The following GAK variants were observed in gnomAD, a reference collection of about 807,000 sequenced individuals.
GAK encodes the protein cyclin-G-associated kinase.
Under a neutral mutation model 143.9 loss-of-function variants are expected in GAK, and 79 were observed. The observed-to-expected ratio is 0.55, with a 90% CI of 0.46 to 0.66. The LOEUF (loss-of-function observed/expected upper bound fraction) is 0.66, where lower values mean the gene tolerates loss of function less well. Ranked by LOEUF, GAK falls within the 30% of genes least tolerant of loss-of-function variation. The pLI, the probability that GAK is intolerant of heterozygous loss-of-function variation, is 0.00. For synonymous variants in GAK, 881 were observed against 765.5 expected (o/e 1.15, Z -2.49); for missense variants, 1,693 against 1,779.7 (o/e 0.95, Z 0.88).
intron 11 of GAK, chr4:887,919 T>TCA (rs55690542): frequency 0.65 from 99,546 of 152,176 alleles, 32,953 homozygotes; most frequent in South Asian, 0.85. Context: ...GCACACATGT[T>TCA]CACATATGTA....
chr4:888,997 C>A, intron 10 of GAK, 27 bp from the exon 11 acceptor site: 1 of 1,600,718 alleles, frequency 6.2e-7, no homozygotes, highest in Non-Finnish European at 8.5e-7. Flanking sequence ...TCTCAGCAGG[C>A]CCCAGGTGCT....
chr4:897,737 T>C (rs2152880604), intron 6 of GAK, among the ~76,000 whole-genome samples: 1 of 152,236 alleles, frequency 6.6e-6, no homozygotes, highest in South Asian at 2.1e-4. Flanking sequence ...ACAAATGACG[T>C]CAAGAGATAG....
chr4:867,808 G>A (rs979070488), intron 20 of GAK, among the ~76,000 whole-genome samples: 7 of 152,374 alleles, frequency 4.6e-5, no homozygotes, highest in South Asian at 2.1e-4. Context: ...GCCCTGGCGA[G>A]TGCTGCAGAA....
At chr4:874,726 C>T (rs1427503180) in intron 18 of GAK, among the ~76,000 whole-genome samples, 5 of 151,184 alleles carry the variant, frequency 3.3e-5, no homozygotes, top group Non-Finnish European at 7.4e-5. Flanking sequence ...GTGGTTCTGA[C>T]GTCCTCCATC....
intron 5 of GAK, among the ~76,000 whole-genome samples, chr4:903,440 C>T (rs1720351318): frequency 6.6e-6 from 1 of 152,198 alleles, no homozygotes; most frequent in South Asian, 2.1e-4. Context: ...GCGCCTGAGA[C>T]AGGGCCAGGC....
chr4:913,409 G>A (rs1722385105), intron 2 of GAK, among the ~76,000 whole-genome samples, 198 bp downstream of exon 2: 1 of 152,178 alleles, frequency 6.6e-6, no homozygotes, highest in African/African-American at 2.4e-5. Flanking sequence ...CCACAGGAGT[G>A]TGAAGCCCAA....
intron 4 of GAK, among the ~76,000 whole-genome samples, chr4:909,783 T>C (rs1721720178): frequency 2.6e-5 from 4 of 152,252 alleles, no homozygotes; most frequent in Middle Eastern, 3.4e-3. Context: ...AAGTGGACAA[T>C]GGACGCCCCT....
chr4:878,705 T>C (rs1275081806), intron 15 of GAK, among the ~76,000 whole-genome samples: 1 of 152,178 alleles, frequency 6.6e-6, no homozygotes, highest in Non-Finnish European at 1.5e-5. Flanking sequence ...GCCTGATGGA[T>C]GTGGAATGGA....
Position 866,817 on chromosome 4 carries a change from G to A in GAK, c.2872+139C>T, listed in dbSNP as rs997792228. 1.6e-4 allele frequency: 115 copies of A among 722,986 alleles called. No homozygotes were observed. In the Middle Eastern group the frequency reaches 2.0e-3, roughly 13 times the overall value. The allele number at this position is 722,986 out of a possible 1,614,324, so 44.8% of individuals were successfully genotyped here. On this transcript the variant is annotated intron_variant, in intron 21 of 27. Transcript: ENST00000314167. ...GCACAGAACCCTGACATGACCCCGA[G>A]GCTGCTCCTGGGGGAGGTGGGGGAA...
At chr4:884,793 G>A (rs1715932283) in intron 11 of GAK, among the ~76,000 whole-genome samples, 1 of 152,244 alleles carries the variant, frequency 6.6e-6, no homozygotes, top group Non-Finnish European at 1.5e-5. Context: ...TCCCAGGACA[G>A]AGCAGGCCGG....
rs757009739 is a variant in GAK at position 893,902 on chromosome 4, C to G, written c.849G>C (p.Thr283=). 6.2e-7 allele frequency: 1 copy of G among 1,608,768 alleles called. No homozygotes were observed. The highest frequency in any genetic ancestry group is 1.7e-5 in the Admixed American group (1 of 59,672). The change falls in exon 8 of 28, where the codon ACG becomes ACC. Residue 283 remains threonine, a synonymous_variant. Coordinates refer to ENST00000314167, the MANE Select transcript of GAK (RefSeq NM_005255.4). ...TGAGGCTGTGGAAGACCGTGTACTG[C>G]GTGTCGTGCGGGGGGATCGAGTACT... is the stretch of plus-strand genomic sequence containing the variant. ...NGKYSIPPHD[T]QYTVFHSLIR...
intron 12 of GAK, among the ~76,000 whole-genome samples, chr4:883,745 A>G (rs1052179300): frequency 6.6e-6 from 1 of 152,216 alleles, no homozygotes; most frequent in African/African-American, 2.4e-5. Flanking sequence ...AGTGACTGGG[A>G]TGCCTGGTGC....
At chr4:866,846 C>A in intron 21 of GAK, 110 bp downstream of exon 21, 1 of 840,006 alleles carries the variant, frequency 1.2e-6, no homozygotes, top group Non-Finnish European at 1.9e-6. Flanking sequence ...GGGGGAAGGG[C>A]ACGTTCCCTT....
chr4:851,449 C>A, intron 25 of GAK: 1 of 517,764 alleles, frequency 1.9e-6, no homozygotes, highest in Non-Finnish European at 3.4e-6. Context: ...CTGCTGCCCC[C>A]GGGAACAGGG....
chr4:898,622 G>A (rs996973647), intron 5 of GAK, among the ~76,000 whole-genome samples: 1 of 152,248 alleles, frequency 6.6e-6, no homozygotes, highest in African/African-American at 2.4e-5. Flanking sequence ...AGCACTTTGG[G>A]AGGCCAAGGC....
At position 865,723 on chromosome 4, in the gene GAK, C is replaced by T. The variant is rs550308722; in HGVS notation, c.3044-479G>A. On this transcript the variant is annotated intron_variant, in intron 22 of 27. Transcript: ENST00000314167. ...CGCTGCAAGGCTGCACTCCACACAC[C>T]CGCCCACAAGCCATCCTGCAATGGT... 4.6e-5 allele frequency among the ~76,000 whole-genome samples: 7 copies of T among 152,340 alleles called. No individual in the cohort carries two copies. The East Asian group carries it at 1.4e-3, about 29-fold the overall frequency.
intron 1 of GAK, among the ~76,000 whole-genome samples, chr4:928,402 T>C (rs1424110374): frequency 6.6e-6 from 1 of 152,182 alleles, no homozygotes; most frequent in Non-Finnish European, 1.5e-5. Flanking sequence ...CATTATCTCA[T>C]GCCTGTCGTC....
chr4:867,641 TGGCCCCTC>T (rs1363544892), intron 20 of GAK, among the ~76,000 whole-genome samples: 6 of 145,192 alleles, frequency 4.1e-5, no homozygotes, highest in Admixed American at 6.8e-5. Flanking sequence ...CCCCATGGCA[TGGCCCCTC>T]GGCACCTCCT....
intron 1 of GAK, among the ~76,000 whole-genome samples, chr4:914,564 C>A (rs1722722323): frequency 7.8e-6 from 1 of 128,616 alleles, no homozygotes; most frequent in Admixed American, 7.8e-5. Context: ...CGTGCACGGC[C>A]CCCCACACAC....
Sources: gnomAD v4.1 joint callset for allele counts (sites outside exome capture counted in the v4.1 genomes callset) on GRCh38, gnomAD v4.1.1 for gene constraint, MANE v1.5 for transcripts, NCBI Gene and HGNC (gene_info 2026-07-23, HGNC 2026-07-21) for gene names.